GUCY2D: variants seen among roughly 807,000 people sequenced by gnomAD.
The protein encoded by GUCY2D is guanylate cyclase 2D, retinal.
Under a neutral mutation model 101.3 loss-of-function variants are expected in GUCY2D, and 70 were observed. The observed-to-expected ratio is 0.69, with a 90% CI of 0.57 to 0.84. GUCY2D has a LOEUF of 0.84. Among genes scored for constraint, GUCY2D ranks in the 40% least tolerant of loss-of-function variants. The pLI is 0.00. For synonymous variants in GUCY2D, 688 were observed against 670.7 expected (o/e 1.03, Z -0.40); for missense variants, 1,460 against 1,542.5 (o/e 0.95, Z 0.90).
In GUCY2D at chr17:8,014,161, C is replaced by CT; in HGVS notation, c.2412+134dup. 1.2e-5 allele frequency: 10 copies of CT among 831,390 alleles called. No homozygotes were observed. The South Asian group carries it at 1.2e-4, about 10-fold the overall frequency. 51.5% of individuals were successfully genotyped at this position (831,390 alleles called of 1,614,324 possible). A position where few individuals can be genotyped will look rare whatever the true frequency, so the allele number is the denominator to read the frequency against. On this transcript the variant is annotated intron_variant, in intron 12 of 19. Coordinates refer to ENST00000254854, the MANE Select transcript of GUCY2D (RefSeq NM_000180.4). This position sits in a 1 kb window ranked among gnomAD's most constrained non-coding sequence, Gnocchi z 4.0. ...TCCAGGCTACCTCCTAAGGAGTAGC[C>CT]TGAAGACTCGGAGTTTGGGGGCAGA...
Position 8,009,512 on chromosome 17 carries a change from A to G in GUCY2D, c.1675A>G (p.Arg559Gly). Reference protein sequence around the residue: ...SPNIGVYEGDRVWLKKFPGDQ... With the variant: ...SPNIGVYEGDGVWLKKFPGDQ... ...CCCATCCTCTTTGCTGCAGGGAGAC[A>G]GGGTTTGGCTGAAGAAATTCCCAGG... Residue 559 changes from arginine to glycine, a missense_variant, in exon 8 of 20, where the codon AGG (arginine) becomes GGG (glycine). By Grantham distance (125) the Arg-to-Gly change is moderately radical. Coordinates refer to ENST00000254854, the MANE Select transcript of GUCY2D (RefSeq NM_000180.4). The G allele has an allele frequency of 1.9e-6, 3 of 1,611,704 alleles. No individual in the cohort carries two copies. Among genetic ancestry groups the G allele is most frequent in the Non-Finnish European group, 2.5e-6 (3 of 1,177,736 alleles).
In GUCY2D at chr17:8,011,915, G is replaced by A. The variant is rs182237936; in HGVS notation, c.1750-229G>A. On this transcript the variant is annotated intron_variant, in intron 8 of 19. Transcript: ENST00000254854. The surrounding 1 kb of genome is among the most constrained non-coding windows in gnomAD (Gnocchi z 4.3). ...AGTTGTCTTTTCATTCACAGCATTAGGCTAAACCATACTCAGTATCCAAAC... is the reference window on the plus strand; with the variant it reads ...AGTTGTCTTTTCATTCACAGCATTAAGCTAAACCATACTCAGTATCCAAAC... 3.0e-3 allele frequency among the ~76,000 whole-genome samples: 456 copies of A among 152,288 alleles called. 2 individuals carry two copies. The highest frequency in any genetic ancestry group is 0.011 in the African/African-American group (438 of 41,538).
chr17:8,014,113 C>T lies in GUCY2D; in HGVS notation c.2412+85C>T, dbSNP rs1405054201. The T allele has an allele frequency of 1.6e-6, 2 of 1,267,618 alleles. No homozygotes were observed. The highest frequency in any genetic ancestry group is 2.3e-6 in the Non-Finnish European group (2 of 876,516). 78.5% of individuals were successfully genotyped at this position (1,267,618 alleles called of 1,614,324 possible). A position where few individuals can be genotyped will look rare whatever the true frequency, so the allele number is the denominator to read the frequency against. ...GCAACCTGAGACAGCTGCAGACAGG[C>T]AGGCTGGCAGGACCTCTGGCCTTCC... On this transcript the variant is annotated intron_variant, in intron 12 of 19. Coordinates refer to ENST00000254854, the MANE Select transcript of GUCY2D (RefSeq NM_000180.4). The surrounding 1 kb of genome is among the most constrained non-coding windows in gnomAD (Gnocchi z 4.0).
At position 8,013,070 on chromosome 17, in the gene GUCY2D, C is replaced by A. The variant is rs781534991; in HGVS notation, c.2114-33C>A. 3.1e-6 allele frequency: 5 copies of A among 1,601,608 alleles called. No individual in the cohort carries two copies. The highest frequency in any genetic ancestry group is 4.3e-6 in the Non-Finnish European group (5 of 1,174,310). On this transcript the variant is annotated intron_variant, in intron 10 of 19. Coordinates refer to ENST00000254854, the MANE Select transcript of GUCY2D (RefSeq NM_000180.4). This position sits in a 1 kb window ranked among gnomAD's most constrained non-coding sequence, Gnocchi z 5.0. ...TTCTGGTGAGGGTGGGAGTCTTTCC[C>A]CAGCGGCGCCTCAGCCCCTTCCCCA...
rs1491361336 is a variant in GUCY2D, at chr17:8,011,980, T to TA, written c.1750-163dup. ...ATATTGTTTTTTCCAAAAATAGGACTATGTGTAGAAGAGAGCCCCCGTACA... is the reference window on the plus strand; with the variant it reads ...ATATTGTTTTTTCCAAAAATAGGACTAATGTGTAGAAGAGAGCCCCCGTACA... On this transcript the variant is annotated intron_variant, in intron 8 of 19. Transcript: ENST00000254854. The surrounding 1 kb of genome is among the most constrained non-coding windows in gnomAD (Gnocchi z 4.3). Among the ~76,000 whole-genome samples, 1 of 152,220 alleles carries TA rather than the reference T, an allele frequency of 6.6e-6. No individual in the cohort carries two copies. Among genetic ancestry groups the TA allele is most frequent in the African/African-American group, 2.4e-5 (1 of 41,458 alleles).
At chr17:8,017,427 G>A (rs1344978581) in intron 19 of GUCY2D, among the ~76,000 whole-genome samples, 3 of 152,186 alleles carry the variant, frequency 2.0e-5, no homozygotes, top group African/African-American at 7.2e-5. Flanking sequence ...CCAGAGCAGG[G>A]TTTGTCACAT....
rs763034153 is a variant in GUCY2D, at chr17:8,014,826, C to A, written c.2577-33C>A. ...GCTGGAGCCCAGCCAGGTAGAGTGG[C>A]CCCCAGGTGACCTCACTGCCTGCCA... On this transcript the variant is annotated intron_variant, in intron 13 of 19. Coordinates refer to ENST00000254854, the MANE Select transcript of GUCY2D (RefSeq NM_000180.4). This position sits in a 1 kb window ranked among gnomAD's most constrained non-coding sequence, Gnocchi z 4.0. The A allele has an allele frequency of 1.9e-6, 3 of 1,612,110 alleles. No homozygotes were observed. The highest frequency in any genetic ancestry group is 1.7e-6 in the Non-Finnish European group (2 of 1,178,366).
chr17:8,003,107 G>A lies in GUCY2D; in HGVS notation c.60G>A (p.Ala20=). 2 of 1,522,656 alleles carry A rather than the reference G, an allele frequency of 1.3e-6. No individual in the cohort carries two copies. Among genetic ancestry groups the A allele is most frequent in the East Asian group, 2.5e-5 (1 of 39,572 alleles). The allele number at this position is 1,522,656 out of a possible 1,614,324, so 94.3% of individuals were successfully genotyped here. A position where few individuals can be genotyped will look rare whatever the true frequency, so the allele number is the denominator to read the frequency against. Residue 20 remains alanine (A), a synonymous_variant, in exon 2 of 20, where the codon GCG becomes GCA. Coordinates refer to ENST00000254854, the MANE Select transcript of GUCY2D (RefSeq NM_000180.4). ...CGGACCCCGGGCTCTGCGGTCCCGC[G>A]TGGTGGGCTCCGTCCCTGCCCCGCC... The part of the protein sequence containing the change: ...GLPDPGLCGP[A]WWAPSLPRLP...
At chr17:8,007,376 T>C in intron 5 of GUCY2D, 50 bp from the exon 6 acceptor site, 1 of 1,283,770 alleles carries the variant, frequency 7.8e-7, no homozygotes, top group Non-Finnish European at 1.1e-6. Context: ...TGCTGGTCTC[T>C]TCTGACGGAA....
intron 6 of GUCY2D, 22 bp from the exon 7 acceptor site, chr17:8,007,909 T>C (rs759544156): frequency 6.8e-7 from 1 of 1,472,374 alleles, no homozygotes; most frequent in Non-Finnish European, 9.5e-7. Flanking sequence ...TTTGACCTCT[T>C]GCATTGACCT....
Position 8,003,795 on chromosome 17 carries a change from G to T in GUCY2D, c.721+27G>T, listed in dbSNP as rs890858732. 4 of 1,602,192 alleles carry T rather than the reference G, an allele frequency of 2.5e-6. No individual in the cohort carries two copies. The African/African-American group carries it at 4.0e-5, about 16-fold the overall frequency. On this transcript the variant is annotated intron_variant, in intron 2 of 19. Transcript: ENST00000254854. ...TAGGCTCCCTTGCAGGGTGCGAGGA[G>T]GTCGGCTGGTCCTGCCGGCAGCCGG...
At position 8,016,012 on chromosome 17, in the gene GUCY2D, G is replaced by A. The variant is rs200403362; in HGVS notation, c.3129G>A (p.Thr1043=). 1.3e-5 allele frequency: 21 copies of A among 1,607,104 alleles called. No homozygotes were observed. The highest frequency in any genetic ancestry group is 1.2e-4 in the African/African-American group (9 of 74,992). ...SGYQVELRGR[T]ELKGKGAEDT... is the part of the protein sequence containing the mutation. Reference sequence around the variant, plus strand: ...ACCAGGTGGAGCTGCGAGGCCGCACGGAGCTGAAGGTGAGGCAGGGCCCCA... The same window carrying A: ...ACCAGGTGGAGCTGCGAGGCCGCACAGAGCTGAAGGTGAGGCAGGGCCCCA... Residue 1043 remains threonine, a synonymous_variant, in exon 17 of 20, where the codon ACG becomes ACA. Coordinates refer to ENST00000254854, the MANE Select transcript of GUCY2D (RefSeq NM_000180.4).
chr17:8,015,268 G>A, intron 14 of GUCY2D, 60 bp from the exon 15 acceptor site: 1 of 1,511,464 alleles, frequency 6.6e-7, no homozygotes, highest in African/African-American at 1.4e-5. Flanking sequence ...AGAGGCAATC[G>A]CTTCGTGTAC....
At position 8,006,552 on chromosome 17, in the gene GUCY2D, G is replaced by C; in HGVS notation, c.1216G>C (p.Asp406His). The C allele has an allele frequency of 6.2e-7, 1 of 1,613,058 alleles. No individual in the cohort carries two copies. The change falls in exon 4 of 20, where the codon GAC becomes CAC. Residue 406 changes from aspartate (D) to histidine (H), a missense_variant. Physicochemically the swap from Asp to His is moderately conservative, Grantham distance 81. This residue lies in a region of GUCY2D where 1,196 missense variants were observed against 1,229.6 expected (regional missense o/e 0.97). Transcript: ENST00000254854. The part of the protein sequence containing the change: ...GDEEPPFVLL[D>H]TDAAGDRLFA... Reference sequence around the variant, plus strand: ...CGAGGAGCCCCCATTCGTGCTGCTAGACACGGACGCGGCGGGAGACCGGCT... The same window carrying C: ...CGAGGAGCCCCCATTCGTGCTGCTACACACGGACGCGGCGGGAGACCGGCT...
chr17:8,010,238 A>T (rs548929399), intron 8 of GUCY2D, among the ~76,000 whole-genome samples: 71 of 152,348 alleles, frequency 4.7e-4, no homozygotes, highest in Middle Eastern at 3.4e-3. Flanking sequence ...ATCTAATGAT[A>T]GAAAATAAAA....
chr17:8,014,414 G>T lies in GUCY2D; in HGVS notation c.2413-187G>T. 1 of 666,296 alleles carries T rather than the reference G, an allele frequency of 1.5e-6. No individual in the cohort carries two copies. The highest frequency in any genetic ancestry group is 1.6e-5 in the South Asian group (1 of 62,554). 41.3% of individuals were successfully genotyped at this position (666,296 alleles called of 1,614,324 possible). On this transcript the variant is annotated intron_variant, in intron 12 of 19. Coordinates refer to ENST00000254854, the MANE Select transcript of GUCY2D (RefSeq NM_000180.4). This position sits in a 1 kb window ranked among gnomAD's most constrained non-coding sequence, Gnocchi z 4.0. Reference sequence around the variant, plus strand: ...CTCTGGGAACCCTCATTTCCCACGTGCCTCCTAATCGTGTCTGAAAACACA... The same window carrying T: ...CTCTGGGAACCCTCATTTCCCACGTTCCTCCTAATCGTGTCTGAAAACACA...
At chr17:8,019,735 T>C (rs1330788677) in intron 19 of GUCY2D, among the ~76,000 whole-genome samples, 2 of 152,260 alleles carry the variant, frequency 1.3e-5, no homozygotes, top group East Asian at 3.8e-4. Context: ...TCTGCCTTTC[T>C]CTGCAGTTTC....
chr17:8,013,991 C>T lies in GUCY2D; in HGVS notation c.2375C>T (p.Pro792Leu), dbSNP rs763774686. 3.3e-5 allele frequency: 54 copies of T among 1,613,716 alleles called. No homozygotes were observed. The highest frequency in any genetic ancestry group is 2.7e-4 in the East Asian group (12 of 44,882). Residue 792 changes from proline (P) to leucine (L), a missense_variant, in exon 12 of 20, where the codon CCG becomes CTG. This residue lies in a region of GUCY2D where 1,196 missense variants were observed against 1,229.6 expected (regional missense o/e 0.97). Coordinates refer to ENST00000254854, the MANE Select transcript of GUCY2D (RefSeq NM_000180.4). The surrounding 1 kb of genome is among the most constrained non-coding windows in gnomAD (Gnocchi z 5.0). ...LLMKQCWAEQ[P>L]ELRPSMDHTF... ...ATGAAGCAGTGCTGGGCAGAGCAGC[C>T]GGAACTTCGGCCCTCCATGGACCAC...
chr17:8,015,501 G>T lies in GUCY2D; in HGVS notation c.2943G>T (p.Ser981=). 1 of 1,609,920 alleles carries T rather than the reference G, an allele frequency of 6.2e-7. No homozygotes were observed. The highest frequency in any genetic ancestry group is 8.5e-7 in the Non-Finnish European group (1 of 1,178,904). ...VPVRIRIGLH[S]GPCVAGVVGL... The stretch of plus-strand genomic sequence containing the variant: ...TGCGCATCCGCATAGGCCTGCACTC[G>T]GGTAACTCCCGGGTCTTCCCAGGCT... The change falls in exon 15 of 20, where the codon TCG becomes TCT. Residue 981 remains serine (S), a splice_region_variant and synonymous_variant. Coordinates refer to ENST00000254854, the MANE Select transcript of GUCY2D (RefSeq NM_000180.4).
Sources: allele counts gnomAD v4.1 joint callset (sites outside exome capture counted in the v4.1 genomes callset), GRCh38; gene constraint gnomAD v4.1.1; regional missense constraint gnomAD v4.1.1; non-coding constraint Gnocchi (gnomAD v3.1); transcripts MANE v1.5; gene names NCBI Gene and HGNC (gene_info 2026-07-23, HGNC 2026-07-21).